KCNMB2: variants seen among roughly 807,000 people sequenced by gnomAD.
KCNMB2 encodes potassium calcium-activated channel subfamily M regulatory beta subunit 2, also known as calcium-activated potassium channel subunit beta-2.
A neutral mutation model predicts 24.5 loss-of-function variants in KCNMB2; 9 were observed. The ratio of observed to expected loss-of-function variants is 0.37; its 90% CI spans 0.22 to 0.64. The LOEUF is 0.64. KCNMB2 is among the 30% of genes least tolerant of loss of function. The probability of loss-of-function intolerance (pLI) is 0.63; values close to 1 mark genes in which losing one functional copy is unlikely to be tolerated. For missense variants in KCNMB2, 226 were observed against 284.3 expected, an observed-to-expected ratio of 0.79 and a Z score of 1.47; for synonymous variants, 109 against 104.4, an observed-to-expected ratio of 1.04 and a Z score of -0.27.
At chr3:178,678,291 G>T (rs1388588423) in intron 1 of KCNMB2, among the ~76,000 whole-genome samples, 1 of 152,172 alleles carries the variant, frequency 6.6e-6, no homozygotes, top group Admixed American at 6.6e-5. Flanking sequence ...GGGGAAGGGG[G>T]TGGTGCATGA....
At chr3:178,577,162 A>G (rs1034401785) in intron 1 of KCNMB2, among the ~76,000 whole-genome samples, 1 of 152,136 alleles carries the variant, frequency 6.6e-6, no homozygotes, top group African/African-American at 2.4e-5. Context: ...AAGCTTCCAA[A>G]GGAAGGAACA....
intron 4 of KCNMB2, among the ~76,000 whole-genome samples, chr3:178,836,202 G>A (rs545691234): frequency 6.6e-6 from 1 of 151,998 alleles, no homozygotes; most frequent in East Asian, 1.9e-4. Context: ...GTCACTCTTC[G>A]CTTCACACAA....
chr3:178,628,784 T>G (rs1018867258), intron 1 of KCNMB2, among the ~76,000 whole-genome samples: 1 of 152,174 alleles, frequency 6.6e-6, no homozygotes, highest in Non-Finnish European at 1.5e-5. Flanking sequence ...GATGTTCAAA[T>G]GCCTAAGTCT....
At chr3:178,688,973 A>G (rs1383132930) in intron 1 of KCNMB2, among the ~76,000 whole-genome samples, 3 of 152,232 alleles carry the variant, frequency 2.0e-5, no homozygotes, top group Admixed American at 6.5e-5. Flanking sequence ...TTGGGAATTA[A>G]AACTATAAGA....
chr3:178,624,598 C>CTT (rs1553822970), intron 1 of KCNMB2, among the ~76,000 whole-genome samples: 3 of 38,768 alleles, frequency 7.7e-5, no homozygotes, highest in South Asian at 1.8e-3. Flanking sequence ...TTTTTTCTTT[C>CTT]TTTTTTTTTT....
chr3:178,685,082 G>A (rs1721417126), intron 1 of KCNMB2, among the ~76,000 whole-genome samples: 1 of 149,292 alleles, frequency 6.7e-6, no homozygotes, highest in Non-Finnish European at 1.5e-5. Flanking sequence ...GCTCCTCTGG[G>A]GACCATGCCT....
intron 1 of KCNMB2, among the ~76,000 whole-genome samples, chr3:178,788,312 C>T (rs1291471672): frequency 6.6e-6 from 1 of 152,112 alleles, no homozygotes; most frequent in East Asian, 1.9e-4. Context: ...TGTGATTATT[C>T]ACTTGTACAG....
At chr3:178,573,855 T>A (rs1231408358) in intron 1 of KCNMB2, among the ~76,000 whole-genome samples, 1 of 150,870 alleles carries the variant, frequency 6.6e-6, no homozygotes, top group African/African-American at 2.4e-5. Context: ...TAGTGTTTAA[T>A]AGAAAAATGT....
intron 1 of KCNMB2, among the ~76,000 whole-genome samples, chr3:178,732,237 ATC>A (rs1723176241): frequency 6.6e-6 from 1 of 152,206 alleles, no homozygotes; most frequent in African/African-American, 2.4e-5. Context: ...TTTTAAAAGA[ATC>A]TCTATTGAAA....
At chr3:178,578,685 T>A (rs1717085064) in intron 1 of KCNMB2, among the ~76,000 whole-genome samples, 2 of 152,126 alleles carry the variant, frequency 1.3e-5, no homozygotes, top group South Asian at 4.1e-4. Context: ...GGAGGAATAT[T>A]TACTAACCAA....
intron 2 of KCNMB2, among the ~76,000 whole-genome samples, chr3:178,821,284 T>C (rs1714615373): frequency 6.6e-6 from 1 of 152,142 alleles, no homozygotes; most frequent in African/African-American, 2.4e-5. Flanking sequence ...TGGAAGAGGA[T>C]ACATAGGGCT....
chr3:178,651,625 C>T (rs1720123981), intron 1 of KCNMB2, among the ~76,000 whole-genome samples: 1 of 152,078 alleles, frequency 6.6e-6, no homozygotes, highest in Non-Finnish European at 1.5e-5. Context: ...CAATCCTAAG[C>T]AAAAAGAACA....
At chr3:178,751,689 G>A (rs1723857403) in intron 1 of KCNMB2, among the ~76,000 whole-genome samples, 1 of 151,360 alleles carries the variant, frequency 6.6e-6, no homozygotes, top group East Asian at 1.9e-4. Flanking sequence ...TAGGGAAGAG[G>A]GAAATGTTTA....
chr3:178,735,184 G>A (rs972028784), intron 1 of KCNMB2, among the ~76,000 whole-genome samples: 2 of 152,214 alleles, frequency 1.3e-5, no homozygotes, highest in African/African-American at 4.8e-5. Context: ...GAGAGTGACA[G>A]GGATGCCACA....
chr3:178,775,745 G>T (rs1324522472), intron 1 of KCNMB2, among the ~76,000 whole-genome samples: 1 of 152,112 alleles, frequency 6.6e-6, no homozygotes, highest in African/African-American at 2.4e-5. Context: ...AAGAAAATTA[G>T]AATCATTTTG....
chr3:178,576,811 G>A (rs1202324685), intron 1 of KCNMB2, among the ~76,000 whole-genome samples: 1 of 152,218 alleles, frequency 6.6e-6, no homozygotes, highest in Non-Finnish European at 1.5e-5. Context: ...TCCCTGGGCA[G>A]GGCATCTCTG....
chr3:178,745,473 G>A (rs1463901528), intron 1 of KCNMB2, among the ~76,000 whole-genome samples: 1 of 152,152 alleles, frequency 6.6e-6, no homozygotes, highest in Non-Finnish European at 1.5e-5. Flanking sequence ...GATGAAATTT[G>A]GGTGCAGACA....
intron 1 of KCNMB2, among the ~76,000 whole-genome samples, chr3:178,666,769 C>T (rs375659442): frequency 2.5e-4 from 38 of 152,122 alleles, no homozygotes; most frequent in Non-Finnish European, 5.4e-4. Context: ...CCATTGCTGT[C>T]CCAATTACCA....
At chr3:178,602,568 G>A (rs553505558) in intron 1 of KCNMB2, among the ~76,000 whole-genome samples, 35 of 148,312 alleles carry the variant, frequency 2.4e-4, no homozygotes, top group African/African-American at 7.8e-4. Context: ...TGGGAGGTTC[G>A]GGGGTGGGGG....
Sources: gnomAD v4.1 joint callset for allele counts (sites outside exome capture counted in the v4.1 genomes callset) on GRCh38, gnomAD v4.1.1 for gene constraint, MANE v1.5 for transcripts, NCBI Gene and HGNC (gene_info 2026-07-23, HGNC 2026-07-21) for gene names.